Variants in STRBP observed in about 807,000 individuals in gnomAD.
STRBP encodes spermatid perinuclear RNA-binding protein.
A neutral mutation model predicts 80.1 loss-of-function variants in STRBP; 13 were observed. The observed-to-expected ratio is 0.16, with a 90% CI of 0.11 to 0.26. The LOEUF (loss-of-function observed/expected upper bound fraction) is 0.26. Among genes scored for constraint, STRBP ranks in the 10% least tolerant of loss-of-function variants. STRBP has a pLI of 1.00. For synonymous variants in STRBP, 284 were observed against 291.2 expected (o/e 0.98, Z 0.25); for missense variants, 485 against 815.2 (o/e 0.59, Z 4.93).
At chr9:123,235,322 AAT>A (rs1375592792) in intron 2 of STRBP, among the ~76,000 whole-genome samples, 2 of 151,488 alleles carry the variant, frequency 1.3e-5, no homozygotes, top group African/African-American at 4.8e-5. Context: ...CAAATAAATC[AAT>A]ATGTGTATGT....
chr9:123,220,683 T>A (rs1195220391), intron 2 of STRBP, among the ~76,000 whole-genome samples: 2 of 152,198 alleles, frequency 1.3e-5, no homozygotes, highest in African/African-American at 4.8e-5. Context: ...CAACAATGTA[T>A]CACTGTATTT....
chr9:123,175,039 G>A (rs913488018), intron 4 of STRBP, among the ~76,000 whole-genome samples: 1 of 152,140 alleles, frequency 6.6e-6, no homozygotes, highest in Admixed American at 6.6e-5. Context: ...AAGGGGAAGA[G>A]AAAGTAACAT....
At chr9:123,243,320 C>T (rs1191696776) in intron 1 of STRBP, among the ~76,000 whole-genome samples, 1 of 143,386 alleles carries the variant, frequency 7.0e-6, no homozygotes, top group African/African-American at 2.6e-5. Flanking sequence ...TCACACCTTA[C>T]ACAAAACCTA....
At chr9:123,239,193 G>A (rs1349971484) in intron 1 of STRBP, among the ~76,000 whole-genome samples, 1 of 152,136 alleles carries the variant, frequency 6.6e-6, no homozygotes, top group African/African-American at 2.4e-5. Context: ...GGCTAACACG[G>A]TGAAACCCTG....
intron 3 of STRBP, chr9:123,114,945 C>A (rs910170136): frequency 1.5e-5 from 5 of 339,968 alleles, no homozygotes; most frequent in African/African-American, 8.6e-5. Context: ...CCATCAGCCT[C>A]CCTCACGCCT....
rs971415991 is a variant in STRBP, at chr9:123,123,662, A to C, written c.*1935T>G. ...AAGCAGAGTCAGCTACTTCAAAAGA[A>C]TTTTCTAACGAGAAATATCTAGAGA... On this transcript the variant is annotated 3_prime_UTR_variant, in exon 19 of 19. Coordinates refer to ENST00000348403, the MANE Select transcript of STRBP (RefSeq NM_018387.5). The C allele has an allele frequency of 1.6e-5, 16 of 985,444 alleles. No homozygotes were observed. The African/African-American group carries it at 2.8e-4, about 17-fold the overall frequency. The allele number at this position is 985,444 out of a possible 1,614,324, so 61.0% of individuals were successfully genotyped here.
chr9:123,158,626 T>C (rs1180216513), intron 9 of STRBP, among the ~76,000 whole-genome samples, 197 bp from the exon 10 acceptor site: 1 of 152,146 alleles, frequency 6.6e-6, no homozygotes, highest in Admixed American at 6.6e-5. Flanking sequence ...TGTATGTCCT[T>C]ATTTTATACT....
chr9:123,193,556 AT>A (rs2038997001), intron 2 of STRBP, among the ~76,000 whole-genome samples: 2 of 152,144 alleles, frequency 1.3e-5, no homozygotes, highest in South Asian at 4.1e-4. Context: ...AAATATTAGA[AT>A]TTTAATAACC....
Position 123,169,334 on chromosome 9 carries a change from G to A in STRBP, c.535+568C>T, listed in dbSNP as rs113489837. On this transcript the variant is annotated intron_variant, in intron 6 of 18. Transcript: ENST00000348403. ...CAGGCGCCCACCACCACGCCTGGCT[G>A]ATTTTTTTGTATTTTCAGTAGAGAC... 3.6e-3 allele frequency among the ~76,000 whole-genome samples: 545 copies of A among 151,948 alleles called. 2 individuals carry two copies. The highest frequency in any genetic ancestry group is 0.012 in the African/African-American group (493 of 41,448).
chr9:123,127,237 A>G (rs2035931613), intron 18 of STRBP, among the ~76,000 whole-genome samples: 1 of 152,226 alleles, frequency 6.6e-6, no homozygotes, highest in African/African-American at 2.4e-5. Context: ...TAGGAACACA[A>G]TTTTCATCCA....
chr9:123,239,027 T>C (rs989948795), intron 1 of STRBP, among the ~76,000 whole-genome samples: 20 of 152,166 alleles, frequency 1.3e-4, no homozygotes, highest in African/African-American at 4.6e-4. Context: ...GGCAGTAACA[T>C]TTATGCTTTC....
intron 2 of STRBP, among the ~76,000 whole-genome samples, chr9:123,227,850 C>T (rs1255778311): frequency 2.0e-5 from 3 of 152,150 alleles, no homozygotes; most frequent in Admixed American, 2.0e-4. Context: ...CAGGCCACTG[C>T]ACCCGGCCTG....
chr9:123,199,237 G>A (rs2039221725), intron 2 of STRBP, among the ~76,000 whole-genome samples: 1 of 152,196 alleles, frequency 6.6e-6, no homozygotes, highest in Non-Finnish European at 1.5e-5. Context: ...CCCAGCCTAT[G>A]TGCCTACTTT....
intron 4 of STRBP, among the ~76,000 whole-genome samples, chr9:123,176,372 T>G (rs1483428960): frequency 6.6e-6 from 1 of 152,218 alleles, no homozygotes; most frequent in Non-Finnish European, 1.5e-5. Context: ...AACTGAAGAA[T>G]AGATGCTAAG....
intron 1 of STRBP, among the ~76,000 whole-genome samples, chr9:123,255,408 T>C (rs964196743): frequency 1.3e-5 from 2 of 152,170 alleles, no homozygotes; most frequent in Non-Finnish European, 2.9e-5. Flanking sequence ...AGGTTACTAG[T>C]TGGGAACACT....
At chr9:123,147,264 T>A (rs1312193466) in intron 12 of STRBP, among the ~76,000 whole-genome samples, 2 of 152,160 alleles carry the variant, frequency 1.3e-5, no homozygotes, top group Non-Finnish European at 2.9e-5. Flanking sequence ...ACACATTAAT[T>A]TTCGCTTGTC....
Position 123,125,068 on chromosome 9 carries a change from C to CA in STRBP, c.*528dup, listed in dbSNP as rs901059014. On this transcript the variant is annotated 3_prime_UTR_variant, in exon 19 of 19. Coordinates refer to ENST00000348403, the MANE Select transcript of STRBP (RefSeq NM_018387.5). ...AACCCATATTTTATTGGCTTTATTACACACTTCAATATTTACAAAGTTAAA... is the reference window on the plus strand; with the variant it reads ...AACCCATATTTTATTGGCTTTATTACAACACTTCAATATTTACAAAGTTAAA... 3 of 985,156 alleles carry CA rather than the reference C, an allele frequency of 3.0e-6. No individual in the cohort carries two copies. Among genetic ancestry groups the CA allele is most frequent in the Admixed American group, 6.1e-5 (1 of 16,278 alleles). 61.0% of individuals were successfully genotyped at this position (985,156 alleles called of 1,614,324 possible).
chr9:123,216,816 T>A (rs923682203), intron 2 of STRBP, among the ~76,000 whole-genome samples: 1 of 152,152 alleles, frequency 6.6e-6, no homozygotes, highest in South Asian at 2.1e-4. Context: ...ATTAATTACC[T>A]CAGTTAATAT....
chr9:123,166,045 T>C (rs1245148076), intron 6 of STRBP, among the ~76,000 whole-genome samples: 1 of 152,212 alleles, frequency 6.6e-6, no homozygotes, highest in Non-Finnish European at 1.5e-5. Flanking sequence ...TTATAGGGCT[T>C]TTTAAAAAAT....
Sources: allele counts gnomAD v4.1 joint callset (sites outside exome capture counted in the v4.1 genomes callset), GRCh38; gene constraint gnomAD v4.1.1; transcripts MANE v1.5; gene names NCBI Gene and HGNC (gene_info 2026-07-23, HGNC 2026-07-21).